UBAP2: variants seen among roughly 807,000 people sequenced by gnomAD.
UBAP2 encodes the protein ubiquitin-associated protein 2.
In UBAP2, 75 loss-of-function variants were observed where a neutral mutation model predicts 139.6. The ratio of observed to expected loss-of-function variants is 0.54; its 90% confidence interval spans 0.45 to 0.65. The LOEUF is 0.65. Among genes scored for constraint, UBAP2 ranks in the 30% least tolerant of loss-of-function variants. UBAP2 has a pLI of 0.00. For synonymous variants in UBAP2, 526 were observed against 526.2 expected, an observed-to-expected ratio of 1.00 and a Z score of 0.01; for missense variants, 1,368 against 1,369.6, an observed-to-expected ratio of 1.00 and a Z score of 0.02.
intron 4 of UBAP2, among the ~76,000 whole-genome samples, chr9:33,993,893 TTTC>T (rs1821923240): frequency 1.2e-5 from 1 of 82,772 alleles, no homozygotes; most frequent in Non-Finnish European, 2.7e-5. Context: ...TCAGCTTTGC[TTTC>T]TTTTTTTTTT....
intron 2 of UBAP2, among the ~76,000 whole-genome samples, chr9:34,006,176 G>A (rs1477217350): frequency 6.6e-6 from 1 of 151,540 alleles, no homozygotes; most frequent in African/African-American, 2.4e-5. Flanking sequence ...AGAGGTTGCA[G>A]TGAGCCGAGA....
chr9:34,047,400 AG>A (rs1283448650), intron 1 of UBAP2, among the ~76,000 whole-genome samples: 2 of 152,208 alleles, frequency 1.3e-5, no homozygotes, highest in Non-Finnish European at 2.9e-5. Context: ...TATCATCTCC[AG>A]GGAGTGGAAT....
chr9:33,961,022 C>T (rs1564031881), intron 9 of UBAP2, 144 bp from the exon 10 acceptor site: 4 of 703,238 alleles, frequency 5.7e-6, no homozygotes, highest in South Asian at 1.7e-5. Context: ...AGAAACATGA[C>T]GTTCTTAATC....
intron 6 of UBAP2, among the ~76,000 whole-genome samples, chr9:33,977,326 C>T (rs1051699233): frequency 5.3e-4 from 81 of 152,052 alleles, no homozygotes; most frequent in African/African-American, 1.7e-3. Context: ...CGTGAACCAC[C>T]GCGCCCAGCC....
chr9:33,997,282 G>T (rs1225153386), intron 3 of UBAP2: 2 of 152,154 alleles, frequency 1.3e-5, no homozygotes, highest in Non-Finnish European at 2.9e-5. Context: ...TAGGCAAAAT[G>T]CAGGTTTCTC....
intron 1 of UBAP2, among the ~76,000 whole-genome samples, chr9:34,035,691 AAAG>A (rs1181139450): frequency 2.0e-5 from 3 of 150,740 alleles, no homozygotes; most frequent in Non-Finnish European, 4.4e-5. Context: ...TCTCAAAAAT[AAAG>A]AAAGAAACAA....
At chr9:34,014,773 CAA>C (rs11465085) in intron 2 of UBAP2, among the ~76,000 whole-genome samples, 23 of 126,168 alleles carry the variant, frequency 1.8e-4, no homozygotes, top group Non-Finnish European at 1.6e-4. Context: ...GACTCCGTCT[CAA>C]AAAAAAAAAA....
intron 5 of UBAP2, among the ~76,000 whole-genome samples, 179 bp downstream of exon 5, chr9:33,988,794 T>C (rs373922170): frequency 6.6e-6 from 1 of 152,186 alleles, no homozygotes; most frequent in African/African-American, 2.4e-5. Context: ...GGAAACGAAT[T>C]TATGAGCATA....
At position 33,926,619 on chromosome 9, in the gene UBAP2, C is replaced by T. The variant is rs867671623; in HGVS notation, c.2509G>A (p.Val837Met). The change falls in exon 22 of 29, where the codon GTG becomes ATG. Residue 837 changes from valine to methionine, a missense_variant and splice_region_variant. Transcript: ENST00000379238. ...ELQMLQSRLP[V>M]DYYGIPFAAP... ...CGACCAGTCCATACCCCACTCACCA[C>T]TGGCAGCCGTGACTGCAGCATCTGG... 1 of 1,614,220 alleles carries T rather than the reference C, an allele frequency of 6.2e-7. No homozygotes were observed. The highest frequency in any genetic ancestry group is 8.5e-7 in the Non-Finnish European group (1 of 1,180,036).
chr9:33,967,540 GCTC>G (rs2131036711), intron 8 of UBAP2, among the ~76,000 whole-genome samples: 1 of 152,078 alleles, frequency 6.6e-6, no homozygotes, highest in South Asian at 2.1e-4. Context: ...ATTTATTTCT[GCTC>G]CTTTCATAGA....
intron 1 of UBAP2, among the ~76,000 whole-genome samples, chr9:34,033,885 A>G (rs1760817): frequency 0.96 from 145,873 of 151,906 alleles, 70,170 homozygotes; most frequent in Non-Finnish European, 1. Flanking sequence ...ACAGGCACCC[A>G]CCACCATGCC....
intron 2 of UBAP2, among the ~76,000 whole-genome samples, chr9:34,015,160 T>C (rs900958250): frequency 6.6e-6 from 1 of 152,224 alleles, no homozygotes; most frequent in African/African-American, 2.4e-5. Flanking sequence ...TACTTGCATA[T>C]TGCCTATGAA....
intron 15 of UBAP2, 49 bp downstream of exon 15, chr9:33,943,371 T>C: frequency 6.4e-7 from 1 of 1,562,080 alleles, no homozygotes; most frequent in Non-Finnish European, 8.7e-7. Flanking sequence ...CACCAGTTGA[T>C]CTCTCTTAGG....
At chr9:33,961,252 G>A (rs528458375) in intron 9 of UBAP2, among the ~76,000 whole-genome samples, 22 of 152,264 alleles carry the variant, frequency 1.4e-4, no homozygotes, top group East Asian at 3.9e-4. Context: ...GATTTCTTCC[G>A]ATATAGTCTT....
At chr9:34,035,748 A>G (rs949773182) in intron 1 of UBAP2, among the ~76,000 whole-genome samples, 21 of 151,738 alleles carry the variant, frequency 1.4e-4, no homozygotes, top group African/African-American at 4.4e-4. Context: ...TTCACAAACC[A>G]TCAACTCCTC....
chr9:34,042,829 G>A (rs556753178), intron 1 of UBAP2, among the ~76,000 whole-genome samples: 2 of 151,206 alleles, frequency 1.3e-5, no homozygotes, highest in Admixed American at 1.3e-4. Context: ...TGTAATCTCA[G>A]CACTTTAGTA....
chr9:33,939,460 A>G (rs1824896439), intron 16 of UBAP2, among the ~76,000 whole-genome samples: 1 of 151,488 alleles, frequency 6.6e-6, no homozygotes, highest in Non-Finnish European at 1.5e-5. Flanking sequence ...CAGCCTCCAA[A>G]AGTGCTGGGA....
chr9:33,952,697 G>C (rs1473389759), intron 12 of UBAP2: 1 of 154,446 alleles, frequency 6.5e-6, no homozygotes, highest in African/African-American at 2.4e-5. Context: ...TCAGAAGAAA[G>C]GGGTACTTTC....
At chr9:33,949,679 G>A (rs1398928765) in intron 12 of UBAP2, among the ~76,000 whole-genome samples, 1 of 126,086 alleles carries the variant, frequency 7.9e-6, no homozygotes, top group African/African-American at 3.2e-5. Flanking sequence ...CTCCAGCCTG[G>A]GTGACAGAGC....
Sources: gnomAD v4.1 joint callset for allele counts (sites outside exome capture counted in the v4.1 genomes callset) on GRCh38, gnomAD v4.1.1 for gene constraint, MANE v1.5 for transcripts, NCBI Gene and HGNC (gene_info 2026-07-23, HGNC 2026-07-21) for gene names.